ATP6V1B2: variants seen among roughly 807,000 people sequenced by gnomAD.
ATP6V1B2 encodes V-type proton ATPase subunit B, brain isoform.
A neutral mutation model predicts 66.7 loss-of-function variants in ATP6V1B2; 23 were observed. That is an observed-to-expected ratio of 0.34 (90% CI 0.25 to 0.49). The LOEUF (loss-of-function observed/expected upper bound fraction) is 0.49. ATP6V1B2 is among the 20% of genes least tolerant of loss of function. ATP6V1B2 has a pLI of 0.99. For synonymous variants in ATP6V1B2, 278 were observed against 236.7 expected, an observed-to-expected ratio of 1.17 and a Z score of -1.60; for missense variants, 478 against 650.8, an observed-to-expected ratio of 0.73 and a Z score of 2.89.
intron 2 of ATP6V1B2, among the ~76,000 whole-genome samples, chr8:20,209,040 A>G (rs145876123): frequency 2.0e-3 from 302 of 152,108 alleles, no homozygotes; most frequent in African/African-American, 6.8e-3. Flanking sequence ...TCCCCTGTCA[A>G]CCACATCTGG....
At position 20,211,746 on chromosome 8, in the gene ATP6V1B2, C is replaced by G; in HGVS notation, c.698C>G (p.Ala233Gly). Residue 233 changes from alanine (A) to glycine (G), a missense_variant, in exon 7 of 14, where the codon GCT becomes GGT. By Grantham distance (60) the Ala-to-Gly change is moderately conservative. Around this residue, in one of 2 missense-constraint regions of ATP6V1B2, gnomAD observed 326 missense variants for 545.6 expected, o/e 0.60. Transcript: ENST00000276390. ...GAAAATTTTGCAATTGTATTTGCTG[C>G]TATGGGTGTAAGTAGAATTTTTGTT... The part of the protein sequence containing the change: ...SEENFAIVFA[A>G]MGVNMETARF... 6.2e-7 allele frequency: 1 copy of G among 1,601,340 alleles called. No individual in the cohort carries two copies. Among genetic ancestry groups the G allele is most frequent in the Non-Finnish European group, 8.5e-7 (1 of 1,176,414 alleles).
intron 13 of ATP6V1B2, among the ~76,000 whole-genome samples, chr8:20,219,714 C>G (rs1489496340): frequency 6.6e-6 from 1 of 152,082 alleles, no homozygotes; most frequent in Admixed American, 6.5e-5. Context: ...GCCTTGGACT[C>G]AAAGAATAAG....
chr8:20,206,179 G>C (rs1005422249), intron 2 of ATP6V1B2, among the ~76,000 whole-genome samples: 1 of 152,192 alleles, frequency 6.6e-6, no homozygotes, highest in Non-Finnish European at 1.5e-5. Flanking sequence ...CTCTACTGCT[G>C]TTCTCAGTAT....
Position 20,218,309 on chromosome 8 carries a change from T to C in ATP6V1B2, c.1396+27T>C, listed in dbSNP as rs184239207. ...TAAGATGACTGTTGGCTTACAAACA[T>C]AAAAAGCCTCATATGTAATTTTGAA... On this transcript the variant is annotated intron_variant, in intron 13 of 13. Coordinates refer to ENST00000276390, the MANE Select transcript of ATP6V1B2 (RefSeq NM_001693.4). 12 of 1,603,416 alleles carry C rather than the reference T, an allele frequency of 7.5e-6. No homozygotes were observed. In the East Asian group the frequency reaches 1.1e-4, roughly 15 times the overall value.
chr8:20,209,608 G>A, intron 3 of ATP6V1B2, 77 bp downstream of exon 3: 10 of 1,328,362 alleles, frequency 7.5e-6, no homozygotes, highest in Non-Finnish European at 9.7e-6. Context: ...TTTCTGTGAT[G>A]ATCATTGCAT....
chr8:20,203,913 C>G (rs1255448624), intron 1 of ATP6V1B2: 3 of 447,906 alleles, frequency 6.7e-6, no homozygotes, highest in Admixed American at 2.4e-5. Context: ...AAGCTCTTTT[C>G]CCTAGTTTTT....
chr8:20,205,256 T>C (rs911115933), intron 2 of ATP6V1B2, among the ~76,000 whole-genome samples: 1 of 152,180 alleles, frequency 6.6e-6, no homozygotes, highest in East Asian at 1.9e-4. Context: ...AAAATATAAA[T>C]TTTTTAAATA....
intron 1 of ATP6V1B2, among the ~76,000 whole-genome samples, chr8:20,201,715 A>G (rs1005167306): frequency 6.6e-6 from 1 of 152,220 alleles, no homozygotes; most frequent in Non-Finnish European, 1.5e-5. Flanking sequence ...AGGGTGCATC[A>G]GCCTTGCCTA....
In ATP6V1B2 at chr8:20,212,128, C is replaced by T. The variant is rs17092160; in HGVS notation, c.732C>T (p.Phe244=). ...MGVNMETARF[F]KSDFEENGSM... is the part of the protein sequence containing the mutation. Reference sequence around the variant, plus strand: ...TAAACATGGAAACTGCCCGGTTCTTCAAATCTGACTTTGAAGAAAATGGCT... The same window carrying T: ...TAAACATGGAAACTGCCCGGTTCTTTAAATCTGACTTTGAAGAAAATGGCT... Residue 244 remains phenylalanine, a synonymous_variant, in exon 8 of 14, where the codon TTC becomes TTT. Transcript: ENST00000276390. The T allele has an allele frequency of 6.5e-4, 1,047 of 1,613,580 alleles. 6 individuals are homozygous for T. In the African/African-American group the frequency reaches 0.013, roughly 20 times the overall value.
In ATP6V1B2 at chr8:20,221,584, C is replaced by CT. The variant is rs1263006511; in HGVS notation, c.*1188dup. The CT allele has an allele frequency of 6.6e-6, 1 of 152,522 alleles. No homozygotes were observed. Among genetic ancestry groups the CT allele is most frequent in the African/African-American group, 2.4e-5 (1 of 41,422 alleles). 9.4% of individuals were successfully genotyped at this position (152,522 alleles called of 1,614,324 possible). ...CTTTCATGTTGTGTAAAGTTCTTCA[C>CT]TTTTTTCTCTGAGGGCTGGGGGTTG... On this transcript the variant is annotated 3_prime_UTR_variant, in exon 14 of 14. Transcript: ENST00000276390.
At chr8:20,208,245 G>A (rs2072757753) in intron 2 of ATP6V1B2, among the ~76,000 whole-genome samples, 1 of 152,156 alleles carries the variant, frequency 6.6e-6, no homozygotes, top group Non-Finnish European at 1.5e-5. Flanking sequence ...TAACATTTCT[G>A]TGCTAGTGTA....
rs527598284 is a variant in ATP6V1B2, at chr8:20,216,403, C to T, written c.1079-10C>T. The T allele has an allele frequency of 5.6e-6, 9 of 1,608,030 alleles. No individual in the cohort carries two copies. The South Asian group carries it at 9.9e-5, about 18-fold the overall frequency. On this transcript the variant is annotated splice_polypyrimidine_tract_variant and intron_variant, in intron 10 of 13. Coordinates refer to ENST00000276390, the MANE Select transcript of ATP6V1B2 (RefSeq NM_001693.4). ...TGCCATGCTTAATGCCAACTGTCTTCCTCTGGTAGATATCACTCACCCCAT... is the reference window on the plus strand; with the variant it reads ...TGCCATGCTTAATGCCAACTGTCTTTCTCTGGTAGATATCACTCACCCCAT...
In ATP6V1B2 at chr8:20,214,967, T is replaced by C. The variant is rs765038104; in HGVS notation, c.1077T>C (p.Asp359=). The change falls in exon 10 of 14, where the codon GAT becomes GAC. Residue 359 remains aspartate (D), a splice_region_variant and synonymous_variant. Transcript: ENST00000276390. ...TQIPILTMPN[D]DITHPIPDLT... is the part of the protein sequence containing the mutation. The stretch of plus-strand genomic sequence containing the variant: ...TCCCTATTCTAACCATGCCTAATGA[T>C]GGTAAGTTTTGGTATTTGGATTATA... 9.9e-6 allele frequency: 16 copies of C among 1,612,494 alleles called. No individual in the cohort carries two copies. The highest frequency in any genetic ancestry group is 1.3e-5 in the African/African-American group (1 of 74,802).
intron 2 of ATP6V1B2, among the ~76,000 whole-genome samples, chr8:20,208,219 A>G (rs1234307318): frequency 6.6e-6 from 1 of 152,206 alleles, no homozygotes. Flanking sequence ...GGAGCCCCAT[A>G]CAAGAATGCT....
At chr8:20,211,454 A>G in intron 6 of ATP6V1B2, 138 bp downstream of exon 6, 1 of 1,349,000 alleles carries the variant, frequency 7.4e-7, no homozygotes, top group Non-Finnish European at 9.9e-7. Context: ...GTTACCTCAC[A>G]TCTTTATTTC....
At chr8:20,199,125 C>A (rs2072658007) in intron 1 of ATP6V1B2, among the ~76,000 whole-genome samples, 1 of 152,128 alleles carries the variant, frequency 6.6e-6, no homozygotes, top group Non-Finnish European at 1.5e-5. Flanking sequence ...AAAGAGTACT[C>A]CATGATTAAG....
At chr8:20,210,706 C>T in intron 5 of ATP6V1B2, 60 bp downstream of exon 5, 1 of 1,468,688 alleles carries the variant, frequency 6.8e-7, no homozygotes, top group Non-Finnish European at 9.5e-7. Flanking sequence ...TGTCTTGTAC[C>T]TTTGCCAGAT....
intron 1 of ATP6V1B2, among the ~76,000 whole-genome samples, chr8:20,202,341 T>C (rs1171683604): frequency 6.6e-6 from 1 of 152,192 alleles, no homozygotes; most frequent in African/African-American, 2.4e-5. Flanking sequence ...CACAATAATT[T>C]CTCTGAGAAT....
At chr8:20,210,161 A>G (rs2072778890) in intron 3 of ATP6V1B2, among the ~76,000 whole-genome samples, 185 bp from the exon 4 acceptor site, 1 of 151,014 alleles carries the variant, frequency 6.6e-6, no homozygotes, top group Non-Finnish European at 1.5e-5. Flanking sequence ...TTTGGCCTGT[A>G]GGCATGAACC....
Sources: gnomAD v4.1 joint callset for allele counts (sites outside exome capture counted in the v4.1 genomes callset) on GRCh38, gnomAD v4.1.1 for gene constraint, gnomAD v4.1.1 regional missense constraint, MANE v1.5 for transcripts, NCBI Gene and HGNC (gene_info 2026-07-23, HGNC 2026-07-21) for gene names.